IL1R1: variants seen among roughly 807,000 people sequenced by gnomAD.
IL1R1 encodes the protein interleukin-1 receptor type 1.
A neutral mutation model predicts 50.2 loss-of-function variants in IL1R1; 22 were observed. The ratio of observed to expected loss-of-function variants is 0.44; its 90% confidence interval spans 0.31 to 0.63. IL1R1 has a LOEUF of 0.63. Among genes scored for constraint, IL1R1 ranks in the 20% least tolerant of loss-of-function variants. The pLI is 0.07. For missense variants in IL1R1, 509 were observed against 676.2 expected (o/e 0.75, Z 2.74); for synonymous variants, 251 against 236.7 (o/e 1.06, Z -0.55).
chr2:102,131,922 A>G (rs745424303), intron 1 of IL1R1, among the ~76,000 whole-genome samples: 15 of 152,172 alleles, frequency 9.9e-5, no homozygotes, highest in Non-Finnish European at 1.5e-4. Flanking sequence ...AATCAGCGAT[A>G]AAGAAAAAAT....
intron 1 of IL1R1, among the ~76,000 whole-genome samples, chr2:102,118,879 G>T (rs932366474): frequency 6.6e-6 from 1 of 151,988 alleles, no homozygotes; most frequent in East Asian, 1.9e-4. Flanking sequence ...TTAGCCAGGC[G>T]TGGTGGCAGG....
chr2:102,136,221 C>A (rs1682330405), intron 1 of IL1R1, among the ~76,000 whole-genome samples: 1 of 152,120 alleles, frequency 6.6e-6, no homozygotes, highest in Non-Finnish European at 1.5e-5. Flanking sequence ...CTCAGCACTG[C>A]CATCCAGGCT....
intron 1 of IL1R1, among the ~76,000 whole-genome samples, chr2:102,135,248 C>G (rs748091750): frequency 8.6e-5 from 13 of 150,652 alleles, no homozygotes; most frequent in South Asian, 4.2e-4. Flanking sequence ...GTGGGGGCAG[C>G]AGAACTTTGT....
At chr2:102,100,026 G>T (rs1680072197), upstream of IL1R1, among the ~76,000 whole-genome samples, 1 of 152,076 alleles carries the variant, frequency 6.6e-6, no homozygotes, top group South Asian at 2.1e-4. Context: ...AACCTGTTCT[G>T]CACCTCCCAG....
At chr2:102,095,638 C>T (rs1013309242) in intron 1 of IL1R1, among the ~76,000 whole-genome samples, 1 of 152,208 alleles carries the variant, frequency 6.6e-6, no homozygotes, top group African/African-American at 2.4e-5. Context: ...AATAGCTGCT[C>T]TTCTGAACGT....
chr2:102,153,626 A>T (rs2104507238), intron 1 of IL1R1, among the ~76,000 whole-genome samples: 1 of 152,192 alleles, frequency 6.6e-6, no homozygotes, highest in Non-Finnish European at 1.5e-5. Context: ...TGCTGTTCTC[A>T]TGATAGTGAG....
intron 1 of IL1R1, among the ~76,000 whole-genome samples, chr2:102,099,080 G>A (rs142171035): frequency 0.021 from 3,237 of 152,154 alleles, 72 homozygotes; most frequent in South Asian, 0.12. Flanking sequence ...AAGGCACCGC[G>A]CCCAAAGTTC....
At chr2:102,093,438 G>C (rs191903228) in intron 1 of IL1R1, among the ~76,000 whole-genome samples, 6 of 152,290 alleles carry the variant, frequency 3.9e-5, no homozygotes, top group Admixed American at 3.9e-4. Context: ...CAAAGCAGCT[G>C]TACCATTTTA....
At chr2:102,174,993 A>G (rs1181131304) in intron 10 of IL1R1, among the ~76,000 whole-genome samples, 1 of 152,194 alleles carries the variant, frequency 6.6e-6, no homozygotes, top group Non-Finnish European at 1.5e-5. Context: ...TCAGTTATGC[A>G]CAAGCCATTG....
At chr2:102,108,546 T>A (rs1680556944) in intron 1 of IL1R1, among the ~76,000 whole-genome samples, 1 of 152,020 alleles carries the variant, frequency 6.6e-6, no homozygotes, top group South Asian at 2.1e-4. Context: ...GATCAATCAA[T>A]GTTTCTCAAA....
intron 1 of IL1R1, among the ~76,000 whole-genome samples, chr2:102,117,837 A>T (rs940316457): frequency 1.3e-5 from 2 of 152,154 alleles, no homozygotes; most frequent in Non-Finnish European, 2.9e-5. Context: ...ACCTTGGAAG[A>T]GTACCAAAGC....
At chr2:102,085,316 G>A (rs1679386975) in intron 1 of IL1R1, among the ~76,000 whole-genome samples, 1 of 152,104 alleles carries the variant, frequency 6.6e-6, no homozygotes, top group African/African-American at 2.4e-5. Context: ...ATTTTCTCCT[G>A]TGCATTTCTT....
chr2:102,149,795 G>A (rs1683491549), intron 1 of IL1R1, among the ~76,000 whole-genome samples: 1 of 152,182 alleles, frequency 6.6e-6, no homozygotes, highest in African/African-American at 2.4e-5. Context: ...GCTGGGGAGA[G>A]GCTAGAGACA....
At chr2:102,153,596 C>G (rs1229972022) in intron 1 of IL1R1, among the ~76,000 whole-genome samples, 1 of 152,096 alleles carries the variant, frequency 6.6e-6, no homozygotes, top group East Asian at 1.9e-4. Flanking sequence ...GTGATTAGAT[C>G]ATGGGGGCAG....
chr2:102,105,867 G>A lies in IL1R1; in HGVS notation c.-84+995G>A, dbSNP rs114903371. 1.9e-3 allele frequency among the ~76,000 whole-genome samples: 290 copies of A among 152,270 alleles called. 1 individual carries two copies. Among genetic ancestry groups the A allele is most frequent in the African/African-American group, 6.8e-3 (283 of 41,552 alleles). On this transcript the variant is annotated intron_variant, in intron 1 of 10. Coordinates refer to the IL1R1 transcript ENST00000409329. ...GAGAAGACCATGCACTCTCAGAGGG[G>A]ATTATAAACATTGCCTTGCATTTTT...
At chr2:102,157,859 T>A in intron 3 of IL1R1, 74 bp downstream of exon 3, 2 of 960,994 alleles carry the variant, frequency 2.1e-6, no homozygotes, top group Non-Finnish European at 3.3e-6. Context: ...GTACCTTCCC[T>A]AACAGAGTCA....
upstream of IL1R1, among the ~76,000 whole-genome samples, chr2:102,103,823 A>G (rs1446936998): frequency 2.0e-5 from 3 of 151,870 alleles, no homozygotes; most frequent in Non-Finnish European, 2.9e-5. Flanking sequence ...GTGAAACCCC[A>G]TCTCTACTAA....
At chr2:102,117,198 G>C (rs555732704) in intron 1 of IL1R1, among the ~76,000 whole-genome samples, 1 of 152,278 alleles carries the variant, frequency 6.6e-6, no homozygotes, top group South Asian at 2.1e-4. Flanking sequence ...TGCCTCCTCT[G>C]TCTATTTTTG....
At chr2:102,153,171 C>A (rs1683849760) in intron 1 of IL1R1, among the ~76,000 whole-genome samples, 1 of 152,082 alleles carries the variant, frequency 6.6e-6, no homozygotes, top group Non-Finnish European at 1.5e-5. Context: ...GTGAGGATAC[C>A]TGCTTCTTAA....
Sources: allele counts gnomAD v4.1 joint callset (sites outside exome capture counted in the v4.1 genomes callset), GRCh38; gene constraint gnomAD v4.1.1; transcripts MANE v1.5; gene names NCBI Gene and HGNC (gene_info 2026-07-23, HGNC 2026-07-21).